ZFAT: variants seen among roughly 807,000 people sequenced by gnomAD.
ZFAT encodes zinc finger and AT-hook domain containing.
Under a neutral mutation model 117.7 loss-of-function variants are expected in ZFAT, and 64 were observed. The observed-to-expected ratio is 0.54, with a 90% CI of 0.44 to 0.67. ZFAT has a LOEUF of 0.67. Ranked by LOEUF, ZFAT falls within the 30% of genes least tolerant of loss-of-function variation. The pLI, the probability that ZFAT is intolerant of heterozygous loss-of-function variation, is 0.00. For synonymous variants in ZFAT, 679 were observed against 615.0 expected (o/e 1.10, Z -1.54); for missense variants, 1,433 against 1,584.5 (o/e 0.90, Z 1.62).
At chr8:134,655,531 A>G (rs1158111794) in intron 2 of ZFAT, among the ~76,000 whole-genome samples, 1 of 151,932 alleles carries the variant, frequency 6.6e-6, no homozygotes, top group Non-Finnish European at 1.5e-5. Flanking sequence ...GCCTGTAGTC[A>G]CAGCTACTCA....
intron 10 of ZFAT, among the ~76,000 whole-genome samples, chr8:134,577,054 G>T (rs1343606027): frequency 6.6e-6 from 1 of 152,186 alleles, no homozygotes; most frequent in Non-Finnish European, 1.5e-5. Flanking sequence ...GGGCAGAATC[G>T]TGTATAAACC....
At chr8:134,768,380 A>G in the ZFAT span, among the ~76,000 whole-genome samples, 1 of 152,300 alleles carries the variant, frequency 6.6e-6, no homozygotes, top group South Asian at 2.1e-4. Context: ...TCCCCTGACC[A>G]GTTGTTCCCC....
the ZFAT span, among the ~76,000 whole-genome samples, chr8:134,725,505 T>G: frequency 6.6e-6 from 1 of 152,060 alleles, no homozygotes; most frequent in African/African-American, 2.4e-5. Context: ...CTACACGCTT[T>G]TCTACAGCCA....
intron 2 of ZFAT, among the ~76,000 whole-genome samples, chr8:134,647,991 C>T (rs1050597490): frequency 2.0e-5 from 3 of 152,052 alleles, no homozygotes; most frequent in Admixed American, 6.6e-5. Flanking sequence ...ACTAACAACA[C>T]TGTATTATAT....
chr8:134,535,327 T>G (rs28558163), intron 11 of ZFAT, among the ~76,000 whole-genome samples: 2,627 of 152,324 alleles, frequency 0.017, 19 homozygotes, highest in Middle Eastern at 0.048. Flanking sequence ...ATAGGCACCT[T>G]AAACTTTGGA....
chr8:134,637,351 T>G, intron 3 of ZFAT, 110 bp downstream of exon 3: 1 of 1,376,538 alleles, frequency 7.3e-7, no homozygotes, highest in Non-Finnish European at 1.0e-6. Context: ...GGGTGAGAGC[T>G]GAATAAATAT....
At chr8:134,706,875 C>T (rs559012163) in intron 1 of ZFAT, among the ~76,000 whole-genome samples, 67 of 147,430 alleles carry the variant, frequency 4.5e-4, no homozygotes, top group African/African-American at 1.5e-3. Flanking sequence ...GTATATAGTA[C>T]GCCAAAAAAA....
At chr8:134,527,225 C>T (rs534940888) in intron 12 of ZFAT, among the ~76,000 whole-genome samples, 10 of 152,302 alleles carry the variant, frequency 6.6e-5, no homozygotes, top group African/African-American at 2.4e-4. Context: ...GGATTCTCCC[C>T]TAGAGTCTCC....
At chr8:134,498,052 C>T in intron 15 of ZFAT, among the ~76,000 whole-genome samples, 1 of 89,106 alleles carries the variant, frequency 1.1e-5, no homozygotes, top group African/African-American at 4.6e-5. Flanking sequence ...GCCCCTGCTG[C>T]TGGTTACACA....
At chr8:134,749,125 G>A in the ZFAT span, among the ~76,000 whole-genome samples, 4 of 152,006 alleles carry the variant, frequency 2.6e-5, no homozygotes, top group African/African-American at 9.7e-5. Flanking sequence ...ATCTTTTGAA[G>A]AATGGAAATT....
At chr8:134,766,432 T>C in the ZFAT span, 1 of 152,226 alleles carries the variant, frequency 6.6e-6, no homozygotes, top group African/African-American at 2.4e-5. Flanking sequence ...CCTGTACCTA[T>C]TGTCGAGGTT....
chr8:134,722,921 T>G, the ZFAT span: 2 of 152,116 alleles, frequency 1.3e-5, no homozygotes, highest in African/African-American at 2.4e-5. Flanking sequence ...ATGGCCAGGG[T>G]CATATTCCAA....
At chr8:134,688,824 A>T (rs1365758468) in intron 1 of ZFAT, among the ~76,000 whole-genome samples, 2 of 152,208 alleles carry the variant, frequency 1.3e-5, no homozygotes, top group African/African-American at 4.8e-5. Context: ...AGCTTGCTGC[A>T]GCCTCAGGGA....
intron 1 of ZFAT, among the ~76,000 whole-genome samples, chr8:134,658,036 C>A (rs1315568624): frequency 6.6e-6 from 1 of 152,172 alleles, no homozygotes; most frequent in African/African-American, 2.4e-5. Flanking sequence ...TAAGTACAGC[C>A]AAGTAAAAAA....
chr8:134,485,067 G>A (rs1014764701), intron 15 of ZFAT, among the ~76,000 whole-genome samples: 2 of 152,166 alleles, frequency 1.3e-5, no homozygotes, highest in Admixed American at 6.5e-5. Flanking sequence ...GTCAGGTGCT[G>A]TGTGAAGAGT....
chr8:134,658,323 C>G (rs1043495970), intron 1 of ZFAT, among the ~76,000 whole-genome samples: 7 of 119,286 alleles, frequency 5.9e-5, no homozygotes, highest in Non-Finnish European at 8.4e-5. Context: ...GGCGACAGAG[C>G]GAGATTCTGT....
the ZFAT span, among the ~76,000 whole-genome samples, chr8:134,734,719 G>A: frequency 6.6e-6 from 1 of 152,162 alleles, no homozygotes; most frequent in African/African-American, 2.4e-5. Context: ...CCAGAGGGGC[G>A]GCATTCCTAA....
the ZFAT span, among the ~76,000 whole-genome samples, chr8:134,788,273 AATT>A: frequency 6.6e-6 from 1 of 152,140 alleles, no homozygotes; most frequent in South Asian, 2.1e-4. Context: ...TAAATCTATA[AATT>A]TTCCTCCACG....
chr8:134,801,958 C>A, the ZFAT span, among the ~76,000 whole-genome samples: 1 of 152,152 alleles, frequency 6.6e-6, no homozygotes, highest in Non-Finnish European at 1.5e-5. Flanking sequence ...TATGTTCCAC[C>A]CCAGACCTAC....
Sources: allele counts gnomAD v4.1 joint callset (sites outside exome capture counted in the v4.1 genomes callset), GRCh38; gene constraint gnomAD v4.1.1; transcripts MANE v1.5; gene names NCBI Gene and HGNC (gene_info 2026-07-23, HGNC 2026-07-21).